The following GRID2 variants were observed in gnomAD, a reference collection of about 807,000 sequenced individuals.
The protein encoded by GRID2 is glutamate receptor ionotropic, delta-2.
GRID2 carries 33 observed loss-of-function variants against 114.8 expected under a neutral mutation model. The ratio of observed to expected loss-of-function variants is 0.29; its 90% confidence interval spans 0.22 to 0.38. The LOEUF (loss-of-function observed/expected upper bound fraction) is 0.38. GRID2 is among the 10% of genes least tolerant of loss of function. GRID2 has a pLI of 1.00. For synonymous variants in GRID2, 505 were observed against 449.9 expected (o/e 1.12, Z -1.55); for missense variants, 1,184 against 1,257.7 (o/e 0.94, Z 0.89).
Position 92,384,565 on chromosome 4 carries a change from TATAATATATAAA to T in GRID2, c.88+79825_88+79836del, listed in dbSNP as rs1560599031. On this transcript the variant is annotated intron_variant, in intron 1 of 15. Transcript: ENST00000282020. ...AATATATAATATATATTATATATAATATAATATATAAAATATATTATATTATATATAACATAA... is the reference window on the plus strand; with the variant it reads ...AATATATAATATATATTATATATAATATATATTATATTATATATAACATAA... 9.0e-3 allele frequency among the ~76,000 whole-genome samples: 520 copies of T among 58,084 alleles called. 15 individuals carry two copies. The highest frequency in any genetic ancestry group is 0.038 in the African/African-American group (497 of 13,134). 38.1% of individuals were successfully genotyped at this position (58,084 alleles called of 152,430 possible). A position where few individuals can be genotyped will look rare whatever the true frequency, so the allele number is the denominator to read the frequency against.
At chr4:92,564,439 C>T (rs949009639) in intron 1 of GRID2, among the ~76,000 whole-genome samples, 4 of 151,864 alleles carry the variant, frequency 2.6e-5, no homozygotes, top group African/African-American at 9.7e-5. Context: ...TTGATAGACA[C>T]TTAAACAAGT....
At chr4:92,545,655 G>A (rs901518887) in intron 1 of GRID2, among the ~76,000 whole-genome samples, 2 of 152,148 alleles carry the variant, frequency 1.3e-5, no homozygotes, top group African/African-American at 4.8e-5. Flanking sequence ...TTCTGTCTCT[G>A]TATGTTTGAA....
intron 2 of GRID2, among the ~76,000 whole-genome samples, chr4:92,695,415 C>T (rs547140669): frequency 2.0e-4 from 30 of 151,216 alleles, no homozygotes; most frequent in Admixed American, 4.6e-4. Context: ...TACCGTAAAC[C>T]GTAAGAAAAC....
At chr4:93,136,743 A>T (rs1185159046) in intron 4 of GRID2, among the ~76,000 whole-genome samples, 1 of 152,188 alleles carries the variant, frequency 6.6e-6, no homozygotes, top group Non-Finnish European at 1.5e-5. Context: ...TATTGTTTAG[A>T]ATCAACTATA....
At chr4:92,327,060 G>A (rs761971156) in intron 1 of GRID2, among the ~76,000 whole-genome samples, 4 of 151,840 alleles carry the variant, frequency 2.6e-5, no homozygotes, top group East Asian at 1.9e-4. Context: ...GCTGCCAGCC[G>A]TAAAAAATTT....
At chr4:93,796,672 T>A (rs1005447169) in intron 1 of GRID2, among the ~76,000 whole-genome samples, 1 of 152,172 alleles carries the variant, frequency 6.6e-6, no homozygotes, top group Non-Finnish European at 1.5e-5. Flanking sequence ...GCCTCCCAAG[T>A]AACTGGGATT....
At chr4:93,546,347 A>G (rs1029975036) in intron 13 of GRID2, among the ~76,000 whole-genome samples, 3 of 152,162 alleles carry the variant, frequency 2.0e-5, no homozygotes, top group Non-Finnish European at 2.9e-5. Context: ...TACAGATGGT[A>G]TTTACAGCCA....
At chr4:92,910,751 A>T (rs1748313854) in intron 2 of GRID2, among the ~76,000 whole-genome samples, 1 of 152,126 alleles carries the variant, frequency 6.6e-6, no homozygotes. Flanking sequence ...ACTTGCATAT[A>T]ACCTATGCAT....
At chr4:92,476,119 G>A (rs1049590694) in intron 1 of GRID2, among the ~76,000 whole-genome samples, 9 of 146,156 alleles carry the variant, frequency 6.2e-5, no homozygotes, top group East Asian at 2.1e-4. Context: ...TCCGCCTCCC[G>A]TGTTCACACC....
chr4:93,227,417 C>T (rs1456824350), intron 7 of GRID2, among the ~76,000 whole-genome samples: 3 of 151,816 alleles, frequency 2.0e-5, no homozygotes, highest in Non-Finnish European at 4.4e-5. Context: ...TTAGTAGAGA[C>T]GGGGTTTCAT....
chr4:93,252,839 G>A (rs1043917809), intron 8 of GRID2, among the ~76,000 whole-genome samples: 6 of 152,010 alleles, frequency 3.9e-5, no homozygotes, highest in Middle Eastern at 3.2e-3. Flanking sequence ...ATTGCAAATG[G>A]GAGTTCATTT....
At chr4:93,151,072 C>T (rs1175948840) in intron 4 of GRID2, among the ~76,000 whole-genome samples, 1 of 128,434 alleles carries the variant, frequency 7.8e-6, no homozygotes, top group Non-Finnish European at 1.6e-5. Context: ...TACAGTAAGC[C>T]AAGATTGAGC....
At chr4:92,571,237 G>A (rs1015835863) in intron 1 of GRID2, among the ~76,000 whole-genome samples, 56 of 152,078 alleles carry the variant, frequency 3.7e-4, no homozygotes, top group Middle Eastern at 3.4e-3. Context: ...CTCTTTATGT[G>A]ATGAATCACA....
At chr4:92,357,776 A>G (rs578014739) in intron 1 of GRID2, among the ~76,000 whole-genome samples, 1 of 151,838 alleles carries the variant, frequency 6.6e-6, no homozygotes, top group African/African-American at 2.4e-5. Flanking sequence ...TTAAAATATG[A>G]TATTTTAAAT....
intron 4 of GRID2, among the ~76,000 whole-genome samples, chr4:93,162,133 C>G (rs1310453029): frequency 6.6e-6 from 1 of 151,678 alleles, no homozygotes; most frequent in Non-Finnish European, 1.5e-5. Context: ...TTGAGGAAAG[C>G]CCTCCTTATT....
At chr4:93,099,906 T>A (rs1244548031) in intron 3 of GRID2, among the ~76,000 whole-genome samples, 1 of 151,896 alleles carries the variant, frequency 6.6e-6, no homozygotes, top group Admixed American at 6.6e-5. Context: ...TTCCTCTTAA[T>A]TGATTGCAAA....
At chr4:92,608,501 A>G (rs558854789) in intron 2 of GRID2, among the ~76,000 whole-genome samples, 26 of 151,872 alleles carry the variant, frequency 1.7e-4, no homozygotes, top group Non-Finnish European at 2.8e-4. Context: ...CATTAAAGAA[A>G]GAGATAAGCG....
chr4:92,384,573 ATAAAATATATTATATT>A (rs1729814928), intron 1 of GRID2, among the ~76,000 whole-genome samples: 2 of 72,470 alleles, frequency 2.8e-5, no homozygotes, highest in Admixed American at 3.8e-4. Flanking sequence ...AATATAATAT[ATAAAATATATTATATT>A]ATATATAACA....
At chr4:93,637,674 C>T (rs892751269) in intron 14 of GRID2, among the ~76,000 whole-genome samples, 2 of 152,186 alleles carry the variant, frequency 1.3e-5, no homozygotes, top group East Asian at 1.9e-4. Context: ...TGTCTTGCAT[C>T]AGCTGACCAG....
Sources: allele counts gnomAD v4.1 joint callset (sites outside exome capture counted in the v4.1 genomes callset), GRCh38; gene constraint gnomAD v4.1.1; transcripts MANE v1.5; gene names NCBI Gene and HGNC (gene_info 2026-07-23, HGNC 2026-07-21).